The following PM20D2 variants were observed in gnomAD, a reference collection of about 807,000 sequenced individuals.
PM20D2 encodes peptidase M20 domain containing 2.
In PM20D2, 33 loss-of-function variants were observed where a neutral mutation model predicts 42.9. The ratio of observed to expected loss-of-function variants is 0.77; its 90% CI spans 0.58 to 1.03. The LOEUF is 1.03. Among genes scored for constraint, PM20D2 ranks in the 50% least tolerant of loss-of-function variants. PM20D2 has a pLI of 0.00. For synonymous variants in PM20D2, 250 were observed against 228.2 expected (o/e 1.10, Z -0.86); for missense variants, 548 against 557.0 (o/e 0.98, Z 0.16).
chr6:89,157,959 A>T (rs1374190715), intron 4 of PM20D2, among the ~76,000 whole-genome samples: 1 of 152,206 alleles, frequency 6.6e-6, no homozygotes, highest in African/African-American at 2.4e-5. Flanking sequence ...GTGAGCTGAG[A>T]TCACACCACT....
At chr6:89,133,699 C>G in the PM20D2 span, among the ~76,000 whole-genome samples, 7 of 151,098 alleles carry the variant, frequency 4.6e-5, 1 homozygote, top group African/African-American at 1.7e-4. Context: ...ACTCTTTGTC[C>G]TTCTCTTCTT....
chr6:89,102,661 G>A, the PM20D2 span, among the ~76,000 whole-genome samples: 1 of 152,148 alleles, frequency 6.6e-6, no homozygotes, highest in South Asian at 2.1e-4. Context: ...TTTTAACACT[G>A]TTCAGGAACA....
intron 1 of PM20D2, among the ~76,000 whole-genome samples, chr6:89,147,670 T>C (rs1770640298): frequency 6.6e-6 from 1 of 151,312 alleles, no homozygotes; most frequent in Non-Finnish European, 1.5e-5. Flanking sequence ...TCAGTTGAGG[T>C]CTGGAGTTCG....
chr6:89,135,094 C>T, the PM20D2 span, among the ~76,000 whole-genome samples: 3 of 150,928 alleles, frequency 2.0e-5, no homozygotes, highest in South Asian at 2.1e-4. Flanking sequence ...TGAAGGGAAT[C>T]GGGGAAGGAG....
chr6:89,154,766 G>A lies in PM20D2; in HGVS notation c.776G>A (p.Gly259Asp). 5 of 1,552,086 alleles carry A rather than the reference G, an allele frequency of 3.2e-6. No individual in the cohort carries two copies. The highest frequency in any genetic ancestry group is 1.4e-5 in the African/African-American group (1 of 72,094). ...TTTATAGGTATAATAAAAAATGGTG[G>A]TGTAAAACCCAATATCATTCCCTCT... is the stretch of plus-strand genomic sequence containing the variant. ...WRVHGIIKNG[G>D]VKPNIIPSYS... Residue 259 changes from glycine (G) to aspartate (D), a missense_variant, in exon 4 of 7, where the codon GGT becomes GAT. Gly to Asp is a moderately conservative substitution (Grantham distance 94, BLOSUM62 -1). Coordinates refer to ENST00000275072, the MANE Select transcript of PM20D2 (RefSeq NM_001010853.3).
chr6:89,120,377 A>G, the PM20D2 span, among the ~76,000 whole-genome samples: 1 of 152,218 alleles, frequency 6.6e-6, no homozygotes, highest in Non-Finnish European at 1.5e-5. Flanking sequence ...ATAAGGATAC[A>G]TACCTGGAGA....
At chr6:89,159,680 T>C (rs757090986) in intron 5 of PM20D2, among the ~76,000 whole-genome samples, 5 of 152,154 alleles carry the variant, frequency 3.3e-5, no homozygotes, top group Admixed American at 1.3e-4. Context: ...GAAGTAGATG[T>C]AATGTTTAGG....
the PM20D2 span, among the ~76,000 whole-genome samples, chr6:89,109,484 G>A: frequency 1.3e-5 from 2 of 152,342 alleles, no homozygotes; most frequent in Admixed American, 1.3e-4. Context: ...ACAGCCAGTA[G>A]TAGAGCTAGG....
At chr6:89,095,332 T>C in the PM20D2 span, among the ~76,000 whole-genome samples, 1 of 152,274 alleles carries the variant, frequency 6.6e-6, no homozygotes, top group East Asian at 1.9e-4. Flanking sequence ...TTCAAGAGAT[T>C]CTCGCGCCTC....
chr6:89,143,939 C>G (rs376312581), upstream of PM20D2, among the ~76,000 whole-genome samples: 1 of 152,138 alleles, frequency 6.6e-6, no homozygotes, highest in Non-Finnish European at 1.5e-5. Context: ...AATCAGCCAA[C>G]AAATATTTAT....
chr6:89,130,452 A>G, the PM20D2 span, among the ~76,000 whole-genome samples: 6 of 152,216 alleles, frequency 3.9e-5, no homozygotes, highest in Admixed American at 3.9e-4. Context: ...TATGTGTGCA[A>G]TTTGATGACT....
At chr6:89,160,000 G>A (rs544502311) in intron 5 of PM20D2, among the ~76,000 whole-genome samples, 11 of 151,976 alleles carry the variant, frequency 7.2e-5, no homozygotes, top group African/African-American at 2.2e-4. Flanking sequence ...GGTATGATTT[G>A]TGGGCTCTAG....
At chr6:89,098,712 C>CAA in the PM20D2 span, 1 of 1,613,924 alleles carries the variant, frequency 6.2e-7, no homozygotes, top group East Asian at 2.2e-5. Context: ...GCTATTGAGT[C>CAA]AGAATGTCTT....
upstream of PM20D2, among the ~76,000 whole-genome samples, chr6:89,144,893 GAGAA>G (rs1240447573): frequency 1.3e-5 from 2 of 152,238 alleles, no homozygotes; most frequent in African/African-American, 2.4e-5. Flanking sequence ...AGTGTTAACT[GAGAA>G]AGAAAGTTTT....
the PM20D2 span, among the ~76,000 whole-genome samples, chr6:89,101,669 G>A: frequency 6.6e-6 from 1 of 151,640 alleles, no homozygotes; most frequent in African/African-American, 2.4e-5. Flanking sequence ...CTGCACTCCA[G>A]CCCAGGTGAC....
chr6:89,094,753 G>C, the PM20D2 span, among the ~76,000 whole-genome samples: 9,341 of 149,272 alleles, frequency 0.063, 840 homozygotes, highest in African/African-American at 0.2. Context: ...TTGAATGCCT[G>C]TCAGGTACTC....
intron 5 of PM20D2, 89 bp from the exon 6 acceptor site, chr6:89,161,694 C>T (rs932276395): frequency 1.0e-6 from 1 of 999,452 alleles, no homozygotes; most frequent in Non-Finnish European, 1.6e-6. Context: ...TTCTCTGCGT[C>T]TCTTCTAACA....
At chr6:89,127,435 T>G in the PM20D2 span, among the ~76,000 whole-genome samples, 1 of 151,848 alleles carries the variant, frequency 6.6e-6, no homozygotes, top group Admixed American at 6.6e-5. Flanking sequence ...GTTCAAGCAG[T>G]TCTCCTGCCT....
At chr6:89,097,115 G>C in the PM20D2 span, 1 of 152,050 alleles carries the variant, frequency 6.6e-6, no homozygotes, top group Non-Finnish European at 1.5e-5. Context: ...AATATGCAAA[G>C]AAAACTGGAA....
Sources: gnomAD v4.1 joint callset for allele counts (sites outside exome capture counted in the v4.1 genomes callset) on GRCh38, gnomAD v4.1.1 for gene constraint, MANE v1.5 for transcripts, NCBI Gene and HGNC (gene_info 2026-07-23, HGNC 2026-07-21) for gene names.